SKIL: variants seen among roughly 807,000 people sequenced by gnomAD.
The protein encoded by SKIL is ski-like protein.
A neutral mutation model predicts 69.6 loss-of-function variants in SKIL; 20 were observed. That is an observed-to-expected ratio of 0.29 (90% CI 0.20 to 0.42). The LOEUF is 0.42. Ranked by LOEUF, SKIL falls within the 10% of genes least tolerant of loss-of-function variation. The pLI is 1.00. For missense variants in SKIL, 745 were observed against 783.1 expected (o/e 0.95, Z 0.58); for synonymous variants, 310 against 279.9 (o/e 1.11, Z -1.08).
intron 4 of SKIL, among the ~76,000 whole-genome samples, chr3:170,388,424 A>G (rs1455823392): frequency 2.0e-5 from 3 of 151,674 alleles, no homozygotes; most frequent in African/African-American, 7.3e-5. Flanking sequence ...TTGATTTACC[A>G]TACTGTTTTC....
chr3:170,384,283 A>G (rs564409297), intron 3 of SKIL, among the ~76,000 whole-genome samples: 2 of 152,180 alleles, frequency 1.3e-5, no homozygotes, highest in Non-Finnish European at 2.9e-5. Flanking sequence ...AGCCATGATC[A>G]TACCACTACG....
At chr3:170,370,111 C>A (rs1375945295) in intron 2 of SKIL, among the ~76,000 whole-genome samples, 1 of 151,824 alleles carries the variant, frequency 6.6e-6, no homozygotes, top group Non-Finnish European at 1.5e-5. Flanking sequence ...CGGTGGCAGG[C>A]GCCTGTAGTC....
At chr3:170,391,731 A>G (rs758422224) in intron 6 of SKIL, among the ~76,000 whole-genome samples, 2 of 152,146 alleles carry the variant, frequency 1.3e-5, no homozygotes, top group Non-Finnish European at 2.9e-5. Flanking sequence ...GTCCAAGATG[A>G]TTATTTTGAT....
chr3:170,378,320 C>T (rs1245297459), intron 2 of SKIL, among the ~76,000 whole-genome samples: 1 of 152,186 alleles, frequency 6.6e-6, no homozygotes, highest in South Asian at 2.1e-4. Context: ...TGTCAGATCT[C>T]TCCCAGGTTT....
chr3:170,371,695 T>C (rs1736812888), intron 2 of SKIL, among the ~76,000 whole-genome samples: 1 of 152,102 alleles, frequency 6.6e-6, no homozygotes, highest in Non-Finnish European at 1.5e-5. Context: ...TTTTGTCATT[T>C]CTCCCAGTGA....
rs192146830 is a variant in SKIL, at chr3:170,368,643, C to T, written c.1098+7214C>T. Among the ~76,000 whole-genome samples the T allele has an allele frequency of 1.3e-4, 20 of 152,158 alleles. No homozygotes were observed. In the East Asian group the frequency reaches 2.7e-3, roughly 21 times the overall value. Reference sequence around the variant, plus strand: ...TATGTATTTGAGGAGTCCTCCTTTCCTCATTTTCTTATCTAGAATTATATT... The same window carrying T: ...TATGTATTTGAGGAGTCCTCCTTTCTTCATTTTCTTATCTAGAATTATATT... On this transcript the variant is annotated intron_variant, in intron 2 of 6. Coordinates refer to ENST00000259119, the MANE Select transcript of SKIL (RefSeq NM_005414.5).
intron 2 of SKIL, among the ~76,000 whole-genome samples, chr3:170,369,489 C>T (rs1736695601): frequency 1.3e-5 from 2 of 152,246 alleles, no homozygotes; most frequent in Non-Finnish European, 2.9e-5. Flanking sequence ...GCAACCTCCG[C>T]CTCCTGGGTT....
chr3:170,367,434 A>T (rs1204527103), intron 2 of SKIL, among the ~76,000 whole-genome samples: 1 of 142,136 alleles, frequency 7.0e-6, no homozygotes, highest in Non-Finnish European at 1.5e-5. Flanking sequence ...GACAGTCTCC[A>T]CTTTACTAAG....
chr3:170,361,314 A>G lies in SKIL; in HGVS notation c.983A>G (p.Tyr328Cys). The G allele has an allele frequency of 1.2e-6, 2 of 1,614,078 alleles. No individual in the cohort carries two copies. The highest frequency in any genetic ancestry group is 1.1e-5 in the South Asian group (1 of 90,990). The change falls in exon 2 of 7, where the codon TAT becomes TGT. Residue 328 changes from tyrosine to cysteine, a missense_variant. Coordinates refer to ENST00000259119, the MANE Select transcript of SKIL (RefSeq NM_005414.5). ...WGFESAKWHC[Y>C]LHVNQKYLGT... is the part of the protein sequence containing the mutation. ...TTTGAATCAGCTAAATGGCATTGCT[A>G]TCTTCATGTGAACCAAAAATACTTA...
At chr3:170,375,219 A>G (rs1736975737) in intron 2 of SKIL, among the ~76,000 whole-genome samples, 1 of 152,222 alleles carries the variant, frequency 6.6e-6, no homozygotes, top group Admixed American at 6.5e-5. Context: ...TAGAAGCTCT[A>G]GTCTGACTCT....
chr3:170,383,487 T>C (rs1737464068), intron 3 of SKIL, among the ~76,000 whole-genome samples: 1 of 152,258 alleles, frequency 6.6e-6, no homozygotes, highest in East Asian at 1.9e-4. Flanking sequence ...GTTACAAATA[T>C]GGTACTTAAA....
chr3:170,381,939 G>A (rs1429990276), intron 3 of SKIL, among the ~76,000 whole-genome samples: 4 of 151,576 alleles, frequency 2.6e-5, no homozygotes, highest in African/African-American at 7.3e-5. Flanking sequence ...AAAATTAGCC[G>A]GGCCTGGTGG....
rs545080162 is a variant in SKIL, at chr3:170,390,972, G to A, written c.1672-64G>A. ...GGTATTTTCTGTGCTATGTTTTCCAGAACTGAAAATTTTAACATGGTGAAA... is the reference window on the plus strand; with the variant it reads ...GGTATTTTCTGTGCTATGTTTTCCAAAACTGAAAATTTTAACATGGTGAAA... On this transcript the variant is annotated intron_variant, in intron 5 of 6. Transcript: ENST00000259119. 3.4e-5 allele frequency: 29 copies of A among 855,936 alleles called. No homozygotes were observed. The South Asian group carries it at 4.1e-4, about 12-fold the overall frequency. 53.0% of individuals were successfully genotyped at this position (855,936 alleles called of 1,614,324 possible).
intron 5 of SKIL, among the ~76,000 whole-genome samples, chr3:170,390,688 T>C (rs2108226627): frequency 6.6e-6 from 1 of 152,284 alleles, no homozygotes; most frequent in South Asian, 2.1e-4. Context: ...GGTTTCTCCA[T>C]GCTGGCCAGG....
chr3:170,386,266 G>A (rs1320180214), intron 4 of SKIL, among the ~76,000 whole-genome samples: 1 of 151,578 alleles, frequency 6.6e-6, no homozygotes, highest in Non-Finnish European at 1.5e-5. Context: ...GAGCAGCTGG[G>A]ATTATAGGCA....
At chr3:170,363,195 AG>A (rs1736330283) in intron 2 of SKIL, among the ~76,000 whole-genome samples, 1 of 152,214 alleles carries the variant, frequency 6.6e-6, no homozygotes, top group African/African-American at 2.4e-5. Flanking sequence ...ATTTTACAGA[AG>A]AAATGAATAA....
Position 170,372,045 on chromosome 3 carries a change from A to G in SKIL, c.1099-9199A>G, listed in dbSNP as rs1164961155. Among the ~76,000 whole-genome samples the G allele has an allele frequency of 2.0e-5, 3 of 152,212 alleles. No homozygotes were observed. In the South Asian group the frequency reaches 6.2e-4, roughly 31 times the overall value. On this transcript the variant is annotated intron_variant, in intron 2 of 6. Coordinates refer to ENST00000259119, the MANE Select transcript of SKIL (RefSeq NM_005414.5). ...AAGCCTTAGAATTATACAGATTAAA[A>G]TTTTTGACAAATAGTGGAAAATAAT...
chr3:170,371,186 C>T (rs991265735), intron 2 of SKIL, among the ~76,000 whole-genome samples: 2 of 152,096 alleles, frequency 1.3e-5, no homozygotes, highest in Admixed American at 6.6e-5. Context: ...AAAAGCATTT[C>T]TAGAGTGCAT....
chr3:170,364,410 A>G (rs543064761), intron 2 of SKIL, among the ~76,000 whole-genome samples: 12 of 132,322 alleles, frequency 9.1e-5, no homozygotes, highest in South Asian at 2.5e-4. Context: ...TGCAATCTCC[A>G]CCTCCCAGAT....
Sources: allele counts gnomAD v4.1 joint callset (sites outside exome capture counted in the v4.1 genomes callset), GRCh38; gene constraint gnomAD v4.1.1; transcripts MANE v1.5; gene names NCBI Gene and HGNC (gene_info 2026-07-23, HGNC 2026-07-21).